The following TBX15 variants were observed in gnomAD, a reference collection of about 807,000 sequenced individuals.
The protein encoded by TBX15 is T-box transcription factor TBX15.
A neutral mutation model predicts 53.9 loss-of-function variants in TBX15; 18 were observed. That is an observed-to-expected ratio of 0.33 (90% CI 0.23 to 0.49). TBX15 has a LOEUF of 0.49. TBX15 is among the 20% of genes least tolerant of loss of function. The pLI is 0.98. For synonymous variants in TBX15, 295 were observed against 278.0 expected, an observed-to-expected ratio of 1.06 and a Z score of -0.61; for missense variants, 692 against 749.5, an observed-to-expected ratio of 0.92 and a Z score of 0.90.
At chr1:118,952,416 G>GA (rs145881018) in intron 1 of TBX15, among the ~76,000 whole-genome samples, 19,514 of 151,574 alleles carry the variant, frequency 0.13, 1,766 homozygotes, top group Non-Finnish European at 0.18. Flanking sequence ...GAAAAATTTA[G>GA]AAAAAAAATA....
At chr1:118,957,475 AT>A (rs1656728273) in intron 1 of TBX15, among the ~76,000 whole-genome samples, 1 of 152,160 alleles carries the variant, frequency 6.6e-6, no homozygotes, top group African/African-American at 2.4e-5. Flanking sequence ...GCAATATTTT[AT>A]TTTTTTAATT....
At chr1:118,946,053 A>G (rs1208800792) in intron 1 of TBX15, among the ~76,000 whole-genome samples, 1 of 152,174 alleles carries the variant, frequency 6.6e-6, no homozygotes, top group Non-Finnish European at 1.5e-5. Context: ...TCAAATGCAA[A>G]TTACAATAAA....
chr1:118,952,033 C>T (rs1656532118), intron 1 of TBX15, among the ~76,000 whole-genome samples: 1 of 152,024 alleles, frequency 6.6e-6, no homozygotes, highest in Admixed American at 6.6e-5. Context: ...CTTCTTTTGC[C>T]TTTGTCACCC....
rs546222684 is a variant in TBX15, at chr1:118,898,862, C to G, written c.1024+166G>C. ...CTGCCTTTGGACCAGCTTGTTTACC[C>G]AAGTGGTGATGCTTTGGTTATTTAC... On this transcript the variant is annotated intron_variant, in intron 7 of 7. Transcript: ENST00000369429. Among the ~76,000 whole-genome samples the G allele has an allele frequency of 3.3e-5, 5 of 152,252 alleles. No homozygotes were observed. In the East Asian group the frequency reaches 9.7e-4, roughly 29 times the overall value.
chr1:118,914,937 T>C (rs1204089897), intron 5 of TBX15, among the ~76,000 whole-genome samples: 1 of 152,172 alleles, frequency 6.6e-6, no homozygotes, highest in African/African-American at 2.4e-5. Flanking sequence ...ACCAGCTTGG[T>C]CCTCAGGGGC....
chr1:118,930,685 G>A (rs1417595140), intron 2 of TBX15, among the ~76,000 whole-genome samples: 1 of 152,184 alleles, frequency 6.6e-6, no homozygotes, highest in Non-Finnish European at 1.5e-5. Context: ...CAAAATGCTG[G>A]GATCACAGGC....
intron 1 of TBX15, among the ~76,000 whole-genome samples, chr1:118,955,690 G>C (rs969204514): frequency 6.6e-6 from 1 of 152,124 alleles, no homozygotes; most frequent in Non-Finnish European, 1.5e-5. Flanking sequence ...AAAAAAGGCA[G>C]GGAATCACAT....
Position 118,884,742 on chromosome 1 carries a change from T to C in TBX15, c.1799A>G (p.His600Arg). The C allele has an allele frequency of 1.2e-6, 2 of 1,614,038 alleles. No individual in the cohort carries two copies. The highest frequency in any genetic ancestry group is 1.7e-6 in the Non-Finnish European group (2 of 1,179,990). The stretch of plus-strand genomic sequence containing the variant: ...TGTTTGGACTGGCCTTTAAACCATG[T>C]GCACGGACATCTGGGAGGAGGAGCC... ...VPGSSSQMSV[H>R]MV Residue 600 changes from histidine to arginine, a missense_variant, in exon 8 of 8, where the codon CAC (histidine) becomes CGC (arginine). Coordinates refer to ENST00000369429, the MANE Select transcript of TBX15 (RefSeq NM_001330677.2).
chr1:118,956,361 G>A (rs976490074), intron 1 of TBX15, among the ~76,000 whole-genome samples: 8 of 151,970 alleles, frequency 5.3e-5, no homozygotes, highest in East Asian at 3.9e-4. Context: ...CAATGCATGC[G>A]TCTCCAGTTT....
intron 1 of TBX15, among the ~76,000 whole-genome samples, chr1:118,955,668 C>G (rs1017055820): frequency 1.3e-5 from 2 of 152,108 alleles, no homozygotes; most frequent in Non-Finnish European, 2.9e-5. Flanking sequence ...GCTCTAGGGC[C>G]ATTAGAAAGT....
chr1:118,974,247 CA>C (rs1264062121), intron 1 of TBX15, among the ~76,000 whole-genome samples: 1 of 152,186 alleles, frequency 6.6e-6, no homozygotes, highest in East Asian at 1.9e-4. Flanking sequence ...AAGAGCGTAT[CA>C]AATCCCATCA....
intron 1 of TBX15, among the ~76,000 whole-genome samples, chr1:118,977,741 A>G (rs1657483376): frequency 6.6e-6 from 1 of 152,258 alleles, no homozygotes; most frequent in Admixed American, 6.5e-5. Flanking sequence ...AGCTATGAAT[A>G]GAGGCCTTGA....
chr1:118,900,393 A>T (rs1437723394), intron 6 of TBX15, among the ~76,000 whole-genome samples: 1 of 152,184 alleles, frequency 6.6e-6, no homozygotes, highest in Non-Finnish European at 1.5e-5. Context: ...GTGAGAACAA[A>T]TATCCTTTAC....
intron 6 of TBX15, among the ~76,000 whole-genome samples, chr1:118,907,131 A>G (rs750622980): frequency 3.9e-5 from 6 of 152,198 alleles, no homozygotes; most frequent in Non-Finnish European, 7.3e-5. Context: ...GGGCCCTATC[A>G]TGGGACCAAC....
At chr1:118,956,294 G>A (rs903757027) in intron 1 of TBX15, among the ~76,000 whole-genome samples, 3 of 152,062 alleles carry the variant, frequency 2.0e-5, no homozygotes, top group Admixed American at 2.0e-4. Context: ...ACTAGTACTG[G>A]ATATTAGGAC....
chr1:118,937,877 A>G (rs1396814678), intron 1 of TBX15, among the ~76,000 whole-genome samples: 2 of 152,164 alleles, frequency 1.3e-5, no homozygotes, highest in Non-Finnish European at 2.9e-5. Context: ...TCTCATGACT[A>G]TCTCAGGGCT....
At chr1:118,989,434 G>C (rs1010881875), upstream of TBX15, 1 of 152,182 alleles carries the variant, frequency 6.6e-6, no homozygotes, top group Non-Finnish European at 1.5e-5. Flanking sequence ...CAGCGAAGTC[G>C]GTCCTAGCCA....
intron 5 of TBX15, among the ~76,000 whole-genome samples, chr1:118,920,291 G>A (rs1209124789): frequency 1.3e-5 from 2 of 152,144 alleles, no homozygotes; most frequent in African/African-American, 2.4e-5. Flanking sequence ...GTTCTAACTG[G>A]GGAGAGCTCA....
At chr1:118,954,731 G>C (rs1252409710) in intron 1 of TBX15, among the ~76,000 whole-genome samples, 1 of 152,202 alleles carries the variant, frequency 6.6e-6, no homozygotes, top group African/African-American at 2.4e-5. Context: ...CTCAAAGACA[G>C]GAAATATTTC....
Sources: allele counts gnomAD v4.1 joint callset (sites outside exome capture counted in the v4.1 genomes callset), GRCh38; gene constraint gnomAD v4.1.1; transcripts MANE v1.5; gene names NCBI Gene and HGNC (gene_info 2026-07-23, HGNC 2026-07-21).